Variants in PTCHD4 observed in about 807,000 individuals in gnomAD.
PTCHD4 encodes the protein patched domain containing 4, also known as patched domain-containing protein 4.
Under a neutral mutation model 58.1 loss-of-function variants are expected in PTCHD4, and 33 were observed. The observed-to-expected ratio is 0.57, with a 90% CI of 0.43 to 0.76. The LOEUF (loss-of-function observed/expected upper bound fraction) is 0.76, where lower values mean the gene tolerates loss of function less well. PTCHD4 is among the 30% of genes least tolerant of loss of function. The probability of loss-of-function intolerance (pLI) is 0.00; values close to 1 mark genes in which losing one functional copy is unlikely to be tolerated. For missense variants in PTCHD4, 1,058 were observed against 1,027.1 expected (o/e 1.03, Z -0.41); for synonymous variants, 478 against 409.6 (o/e 1.17, Z -2.02).
chr6:48,002,846 T>C (rs1768788792), intron 4 of PTCHD4, among the ~76,000 whole-genome samples: 1 of 152,094 alleles, frequency 6.6e-6, no homozygotes, highest in Non-Finnish European at 1.5e-5. Context: ...AATTACCCTT[T>C]CATTTTCAGC....
chr6:47,935,586 A>T (rs866881177), intron 4 of PTCHD4, among the ~76,000 whole-genome samples: 1 of 152,178 alleles, frequency 6.6e-6, no homozygotes, highest in African/African-American at 2.4e-5. Flanking sequence ...TACCAAATAC[A>T]CATACATATA....
At chr6:47,926,275 T>C (rs1313591467) in intron 4 of PTCHD4, among the ~76,000 whole-genome samples, 1 of 152,212 alleles carries the variant, frequency 6.6e-6, no homozygotes, top group Non-Finnish European at 1.5e-5. Context: ...AGCTTAATGG[T>C]GTACAATATA....
At chr6:47,898,549 G>T (rs1312813297) in intron 4 of PTCHD4, among the ~76,000 whole-genome samples, 1 of 152,116 alleles carries the variant, frequency 6.6e-6, no homozygotes, top group East Asian at 1.9e-4. Flanking sequence ...TGGAAATTCA[G>T]CAACAATTAA....
intron 4 of PTCHD4, among the ~76,000 whole-genome samples, chr6:47,883,081 T>C (rs1353697785): frequency 1.3e-5 from 2 of 151,990 alleles, no homozygotes; most frequent in African/African-American, 2.4e-5. Flanking sequence ...TAAATATCGA[T>C]TGTATCCAGA....
At chr6:47,927,781 C>CATTATT (rs916795215) in intron 4 of PTCHD4, among the ~76,000 whole-genome samples, 1 of 150,212 alleles carries the variant, frequency 6.7e-6, no homozygotes, top group Admixed American at 6.6e-5. Context: ...TTTATTTTTT[C>CATTATT]ATTATTATTA....
intron 4 of PTCHD4, among the ~76,000 whole-genome samples, chr6:47,944,173 G>T (rs1015537240): frequency 6.6e-6 from 1 of 152,034 alleles, no homozygotes. Context: ...ATATAGTGCT[G>T]CAGCTGGAGC....
intron 1 of PTCHD4, among the ~76,000 whole-genome samples, chr6:48,074,354 C>T (rs113331600): frequency 5.3e-5 from 8 of 152,188 alleles, no homozygotes; most frequent in South Asian, 4.1e-4. Context: ...ATTTTCCTCT[C>T]GGCCTTGCCC....
chr6:47,898,056 T>C (rs950502770), intron 4 of PTCHD4, among the ~76,000 whole-genome samples: 4 of 144,372 alleles, frequency 2.8e-5, no homozygotes, highest in Non-Finnish European at 6.1e-5. Context: ...GCAATTCTCC[T>C]GCCGCAGCCT....
chr6:48,086,825 G>A (rs985995865), intron 1 of PTCHD4, among the ~76,000 whole-genome samples: 1 of 152,128 alleles, frequency 6.6e-6, no homozygotes, highest in African/African-American at 2.4e-5. Context: ...AGGCTCTATG[G>A]TTGCTATGTA....
intron 4 of PTCHD4, among the ~76,000 whole-genome samples, chr6:47,939,537 A>G (rs1766130846): frequency 6.6e-6 from 1 of 152,194 alleles, no homozygotes; most frequent in South Asian, 2.1e-4. Flanking sequence ...TTATAATGCA[A>G]TGAAAACATT....
At chr6:48,108,207 T>A (rs1452575529) in intron 1 of PTCHD4, among the ~76,000 whole-genome samples, 1 of 152,094 alleles carries the variant, frequency 6.6e-6, no homozygotes, top group Non-Finnish European at 1.5e-5. Context: ...AACCCAAATG[T>A]CCAACAATGA....
Position 47,879,788 on chromosome 6 carries a change from G to A in PTCHD4, c.1047C>T (p.Gly349=). Residue 349 remains glycine, a synonymous_variant, in exon 5 of 5, where the codon GGC becomes GGT. Coordinates refer to ENST00000339488, the MANE Select transcript of PTCHD4 (RefSeq NM_001384253.1). ...TGTTTGTGAATGGGCTGGCACCCAT[G>A]CCAAAAGTGATGAAGTACAGGGAGC... ...MTSSLYFITF[G]MGASPFTNIE... 6.2e-7 allele frequency: 1 copy of A among 1,613,632 alleles called. No individual in the cohort carries two copies. The highest frequency in any genetic ancestry group is 1.1e-5 in the South Asian group (1 of 91,058).
At chr6:47,992,304 TACAC>T (rs1359242452) in intron 4 of PTCHD4, among the ~76,000 whole-genome samples, 3 of 152,080 alleles carry the variant, frequency 2.0e-5, no homozygotes, top group Admixed American at 1.3e-4. Context: ...CATATATATA[TACAC>T]ACACACATAC....
chr6:48,042,930 G>A (rs184485570), intron 3 of PTCHD4, among the ~76,000 whole-genome samples: 3 of 151,922 alleles, frequency 2.0e-5, no homozygotes, highest in African/African-American at 4.8e-5. Context: ...CAAAAAGAAA[G>A]AGCCAAAGCA....
chr6:47,888,550 T>C (rs573581821), intron 4 of PTCHD4, among the ~76,000 whole-genome samples: 1 of 152,338 alleles, frequency 6.6e-6, no homozygotes, highest in African/African-American at 2.4e-5. Flanking sequence ...ATTTTATATA[T>C]ATATCTTAGT....
chr6:47,867,795 A>G lies in PTCHD4; in HGVS notation c.*10508T>C, dbSNP rs1346107917. On this transcript the variant is annotated 3_prime_UTR_variant, in exon 5 of 5. Coordinates refer to ENST00000339488, the MANE Select transcript of PTCHD4 (RefSeq NM_001384253.1). ...GAATACTCCAGCTGCAAATTTCCTCAACAGATCATGCATACCTCAAAGTCA... is the reference window on the plus strand; with the variant it reads ...GAATACTCCAGCTGCAAATTTCCTCGACAGATCATGCATACCTCAAAGTCA... Among the ~76,000 whole-genome samples the G allele has an allele frequency of 6.6e-6, 1 of 151,706 alleles. No homozygotes were observed. Among genetic ancestry groups the G allele is most frequent in the Non-Finnish European group, 1.5e-5 (1 of 67,802 alleles).
chr6:47,904,663 G>A (rs923818396), intron 4 of PTCHD4, among the ~76,000 whole-genome samples: 1 of 152,132 alleles, frequency 6.6e-6, no homozygotes, highest in Non-Finnish European at 1.5e-5. Flanking sequence ...TTATTTCTGG[G>A]TTGTAGTGAA....
chr6:47,893,043 G>C lies in PTCHD4; in HGVS notation c.899-13107C>G, dbSNP rs965270358. On this transcript the variant is annotated intron_variant, in intron 4 of 4. Coordinates refer to ENST00000339488, the MANE Select transcript of PTCHD4 (RefSeq NM_001384253.1). ...TTTATTTTTTTTGAGATGGACTCTC[G>C]CTCTGTCACCAGGGTGGAGTGCAGT... 1.3e-5 allele frequency among the ~76,000 whole-genome samples: 2 copies of C among 152,086 alleles called. 1 individual carries two copies. The highest frequency in any genetic ancestry group is 6.3e-3 in the Middle Eastern group (2 of 316).
intron 3 of PTCHD4, among the ~76,000 whole-genome samples, chr6:48,032,937 G>A (rs548904644): frequency 6.6e-6 from 1 of 151,960 alleles, no homozygotes; most frequent in African/African-American, 2.4e-5. Flanking sequence ...GTTTGATTTT[G>A]TTTTCTTTTG....
Sources: gnomAD v4.1 joint callset for allele counts (sites outside exome capture counted in the v4.1 genomes callset) on GRCh38, gnomAD v4.1.1 for gene constraint, MANE v1.5 for transcripts, NCBI Gene and HGNC (gene_info 2026-07-23, HGNC 2026-07-21) for gene names.